Variants in PSMB1 observed in about 807,000 individuals in gnomAD.
PSMB1 encodes the protein proteasome subunit beta type-1.
PSMB1 carries 7 observed loss-of-function variants against 25.4 expected under a neutral mutation model. The ratio of observed to expected loss-of-function variants is 0.28; its 90% CI spans 0.16 to 0.52. The LOEUF is 0.52. Among genes scored for constraint, PSMB1 ranks in the 20% least tolerant of loss-of-function variants. The pLI is 0.97. For synonymous variants in PSMB1, 119 were observed against 115.0 expected (o/e 1.03, Z -0.22); for missense variants, 284 against 302.2 (o/e 0.94, Z 0.45).
chr6:170,538,439 G>T (rs1173790445), intron 4 of PSMB1, among the ~76,000 whole-genome samples: 1 of 152,140 alleles, frequency 6.6e-6, no homozygotes, highest in Non-Finnish European at 1.5e-5. Context: ...GGTGGCTCAC[G>T]CCTGTAATCC....
intron 4 of PSMB1, among the ~76,000 whole-genome samples, chr6:170,540,540 C>T (rs1330278311): frequency 7.6e-6 from 1 of 131,024 alleles, no homozygotes; most frequent in Admixed American, 8.6e-5. Context: ...TCAACAAGGA[C>T]TTTCATAATC....
chr6:170,537,367 G>A (rs1427402176), intron 4 of PSMB1, 27 bp from the exon 5 acceptor site: 1 of 1,548,768 alleles, frequency 6.5e-7, no homozygotes, highest in African/African-American at 1.4e-5. Context: ...GTATTCATAA[G>A]GATGGTATCC....
chr6:170,550,293 A>G (rs906917711), intron 1 of PSMB1: 5 of 152,228 alleles, frequency 3.3e-5, no homozygotes, highest in Non-Finnish European at 7.3e-5. Context: ...CATTCAAGCA[A>G]CTCATTCAGG....
At chr6:170,536,266 A>C (rs9348278) in intron 5 of PSMB1, 1 of 409,468 alleles carries the variant, frequency 2.4e-6, no homozygotes. Flanking sequence ...TGTATAAACT[A>C]TATGTAGATA....
intron 4 of PSMB1, among the ~76,000 whole-genome samples, chr6:170,543,058 A>G (rs950021195): frequency 6.6e-6 from 1 of 152,214 alleles, no homozygotes; most frequent in African/African-American, 2.4e-5. Flanking sequence ...ATTGGTGCCC[A>G]TGTGGCGTAA....
chr6:170,546,650 C>G (rs2038092), intron 2 of PSMB1, among the ~76,000 whole-genome samples: 81,904 of 151,892 alleles, frequency 0.54, 22,426 homozygotes, highest in East Asian at 0.79. Flanking sequence ...ATTTTTAGTA[C>G]AGATGGGGTT....
chr6:170,546,222 AT>A, intron 2 of PSMB1, 38 bp from the exon 3 acceptor site: 1 of 1,527,404 alleles, frequency 6.5e-7, no homozygotes, highest in South Asian at 1.1e-5. Context: ...AGCTGGTTAG[AT>A]AGTAGAGCAA....
intron 4 of PSMB1, among the ~76,000 whole-genome samples, chr6:170,541,138 G>A (rs1217746089): frequency 6.6e-6 from 1 of 152,126 alleles, no homozygotes; most frequent in Non-Finnish European, 1.5e-5. Flanking sequence ...AGAAAGAGGA[G>A]AACACAGGAT....
Position 170,544,861 on chromosome 6 carries a change from C to T in PSMB1, c.304-1131G>A, listed in dbSNP as rs546847605. ...AAACTATAAAAAATTATTCATAGGCCGGGCACAGTGGCTCACTGCTGGCCT... is the reference window on the plus strand; with the variant it reads ...AAACTATAAAAAATTATTCATAGGCTGGGCACAGTGGCTCACTGCTGGCCT... On this transcript the variant is annotated intron_variant, in intron 3 of 5. Coordinates refer to ENST00000262193, the MANE Select transcript of PSMB1 (RefSeq NM_002793.4). Among the ~76,000 whole-genome samples, 5 of 152,098 alleles carry T rather than the reference C, an allele frequency of 3.3e-5. No homozygotes were observed. In the South Asian group the frequency reaches 6.2e-4, roughly 19 times the overall value.
At chr6:170,545,829 A>G (rs1314182530) in intron 3 of PSMB1, among the ~76,000 whole-genome samples, 1 of 150,056 alleles carries the variant, frequency 6.7e-6, no homozygotes, top group East Asian at 2.0e-4. Context: ...GAGTATCTTC[A>G]GAAGAAGAAC....
At chr6:170,542,382 A>G (rs1778767726) in intron 4 of PSMB1, among the ~76,000 whole-genome samples, 1 of 152,066 alleles carries the variant, frequency 6.6e-6, no homozygotes, top group Non-Finnish European at 1.5e-5. Context: ...TAGGGTCCCC[A>G]GTCCCCTTGC....
intron 4 of PSMB1, among the ~76,000 whole-genome samples, chr6:170,542,882 A>G (rs1778773140): frequency 6.6e-6 from 1 of 152,156 alleles, no homozygotes; most frequent in Admixed American, 6.5e-5. Flanking sequence ...AATGACACAG[A>G]TGGACTACTT....
At chr6:170,536,379 C>A (rs78910703) in intron 5 of PSMB1, 3 of 447,996 alleles carry the variant, frequency 6.7e-6, no homozygotes, top group South Asian at 3.2e-5. Context: ...GTGTTTAGTG[C>A]GATTATTATA....
At chr6:170,536,954 A>G (rs1018801625) in intron 5 of PSMB1, among the ~76,000 whole-genome samples, 2 of 152,204 alleles carry the variant, frequency 1.3e-5, no homozygotes, top group African/African-American at 2.4e-5. Flanking sequence ...CAAGAGAATT[A>G]GCCACTACAG....
chr6:170,551,164 G>A (rs1778895022), intron 1 of PSMB1, among the ~76,000 whole-genome samples: 1 of 152,024 alleles, frequency 6.6e-6, no homozygotes, highest in Admixed American at 6.6e-5. Context: ...GAAAGGAGAA[G>A]AGGAGATGAA....
At chr6:170,548,169 T>A (rs58597770) in intron 2 of PSMB1, among the ~76,000 whole-genome samples, 2,624 of 152,244 alleles carry the variant, frequency 0.017, 55 homozygotes, top group Middle Eastern at 0.051. Context: ...ATGTGGGCCA[T>A]CCCTAGGAGC....
At chr6:170,545,996 C>T (rs1377097909) in intron 3 of PSMB1, 107 bp downstream of exon 3, 3 of 875,608 alleles carry the variant, frequency 3.4e-6, no homozygotes, top group Non-Finnish European at 5.4e-6. Flanking sequence ...CATCTACTAA[C>T]CTAGTGACTC....
chr6:170,546,402 G>T (rs369149959), intron 2 of PSMB1, among the ~76,000 whole-genome samples: 11 of 152,176 alleles, frequency 7.2e-5, no homozygotes, highest in African/African-American at 2.6e-4. Flanking sequence ...GACTATGAAT[G>T]GACTAAATAA....
In PSMB1 at chr6:170,543,639, T is replaced by A; in HGVS notation, c.395A>T (p.Tyr132Phe). The A allele has an allele frequency of 2.5e-6, 4 of 1,612,024 alleles. No homozygotes were observed. In the East Asian group the frequency reaches 8.9e-5, roughly 36 times the overall value. ...TCCACCGATGATGTTGTAAACATAG[T>A]ATGGAAAGAAGCGCCTTGAATACAG... Reference protein sequence around the residue: ...TILYSRRFFPYYVYNIIGGLD... With the variant: ...TILYSRRFFPFYVYNIIGGLD... The change falls in exon 4 of 6, where the codon TAC (tyrosine) becomes TTC (phenylalanine). Residue 132 changes from tyrosine (Y) to phenylalanine (F), a missense_variant. Physicochemically the swap from Tyr to Phe is conservative, Grantham distance 22 (BLOSUM62 3). Transcript: ENST00000262193.
Sources: gnomAD v4.1 joint callset for allele counts (sites outside exome capture counted in the v4.1 genomes callset) on GRCh38, gnomAD v4.1.1 for gene constraint, MANE v1.5 for transcripts, NCBI Gene and HGNC (gene_info 2026-07-23, HGNC 2026-07-21) for gene names.